GBE1: variants seen among roughly 807,000 people sequenced by gnomAD.
GBE1 encodes 1,4-alpha-glucan branching enzyme 1, also known as 1,4-alpha-glucan-branching enzyme.
GBE1 carries 70 observed loss-of-function variants against 88.8 expected under a neutral mutation model. The ratio of observed to expected loss-of-function variants is 0.79; its 90% CI spans 0.65 to 0.96. The LOEUF (loss-of-function observed/expected upper bound fraction) is 0.96, where lower values mean the gene tolerates loss of function less well. Ranked by LOEUF, GBE1 falls within the 40% of genes least tolerant of loss-of-function variation. GBE1 has a pLI of 0.00. For synonymous variants in GBE1, 284 were observed against 300.1 expected, an observed-to-expected ratio of 0.95 and a Z score of 0.56; for missense variants, 872 against 871.0, an observed-to-expected ratio of 1.00 and a Z score of -0.01.
At chr3:81,642,380 G>A (rs1197941954) in intron 7 of GBE1, among the ~76,000 whole-genome samples, 2 of 151,984 alleles carry the variant, frequency 1.3e-5, no homozygotes, top group African/African-American at 4.8e-5. Flanking sequence ...TCAAAACCAT[G>A]TAATTTTAAG....
At chr3:81,662,036 T>C (rs979146316) in intron 3 of GBE1, among the ~76,000 whole-genome samples, 11 of 152,170 alleles carry the variant, frequency 7.2e-5, no homozygotes, top group African/African-American at 2.4e-4. Context: ...TTTTTAATTT[T>C]ATTTATTTAT....
chr3:81,560,283 A>C (rs1023843257), intron 12 of GBE1, among the ~76,000 whole-genome samples: 1 of 151,998 alleles, frequency 6.6e-6, no homozygotes, highest in African/African-American at 2.4e-5. Context: ...ATAGCACTTT[A>C]AAATAACATT....
At chr3:81,612,610 C>A (rs1704197783) in intron 7 of GBE1, 2 of 617,034 alleles carry the variant, frequency 3.2e-6, no homozygotes, top group Admixed American at 1.9e-5. Flanking sequence ...CTGACCTCTT[C>A]TGAAAAAGTG....
chr3:81,689,638 A>C (rs888003723), intron 2 of GBE1, among the ~76,000 whole-genome samples: 1 of 152,148 alleles, frequency 6.6e-6, no homozygotes, highest in Non-Finnish European at 1.5e-5. Flanking sequence ...CATCTCACAC[A>C]CAGCCTCCCA....
At chr3:81,558,281 G>A (rs1298911700) in intron 12 of GBE1, among the ~76,000 whole-genome samples, 1 of 151,838 alleles carries the variant, frequency 6.6e-6, no homozygotes, top group Non-Finnish European at 1.5e-5. Flanking sequence ...AAAGAACCAT[G>A]TTCAGTCCAA....
chr3:81,668,815 C>T (rs1012780263), intron 3 of GBE1, among the ~76,000 whole-genome samples: 2 of 152,158 alleles, frequency 1.3e-5, no homozygotes, highest in African/African-American at 4.8e-5. Flanking sequence ...CTGCCTCTTC[C>T]ACACACCTAG....
intron 11 of GBE1, among the ~76,000 whole-genome samples, chr3:81,580,891 C>A (rs1373172434): frequency 7.2e-5 from 11 of 152,052 alleles, no homozygotes; most frequent in Non-Finnish European, 2.9e-5. Flanking sequence ...ATACTTGCAA[C>A]TGCAATGTAT....
intron 10 of GBE1, among the ~76,000 whole-genome samples, chr3:81,583,694 G>A (rs1489031345): frequency 6.6e-6 from 1 of 151,950 alleles, no homozygotes; most frequent in Non-Finnish European, 1.5e-5. Context: ...TTGAAATGAC[G>A]AAATTATAGG....
At chr3:81,602,424 A>T (rs1301918826) in intron 7 of GBE1, among the ~76,000 whole-genome samples, 1 of 152,164 alleles carries the variant, frequency 6.6e-6, no homozygotes, top group Non-Finnish European at 1.5e-5. Flanking sequence ...GTAGGTTATA[A>T]ACAACAAAAA....
At chr3:81,741,076 C>A (rs1706343560) in intron 1 of GBE1, among the ~76,000 whole-genome samples, 1 of 152,028 alleles carries the variant, frequency 6.6e-6, no homozygotes, top group African/African-American at 2.4e-5. Flanking sequence ...TATAATTGAG[C>A]CTTAACTAAA....
At chr3:81,636,029 A>G (rs1241255832) in intron 7 of GBE1, among the ~76,000 whole-genome samples, 1 of 152,192 alleles carries the variant, frequency 6.6e-6, no homozygotes, top group Non-Finnish European at 1.5e-5. Context: ...AGTTTATACA[A>G]AGACGGTAAA....
intron 1 of GBE1, among the ~76,000 whole-genome samples, chr3:81,756,835 G>T (rs1294454770): frequency 1.3e-5 from 2 of 152,156 alleles, no homozygotes; most frequent in African/African-American, 2.4e-5. Flanking sequence ...TCCAAGACAG[G>T]ATAATATGAT....
At chr3:81,659,864 C>T (rs537988560) in intron 3 of GBE1, among the ~76,000 whole-genome samples, 6 of 151,796 alleles carry the variant, frequency 4.0e-5, no homozygotes, top group Non-Finnish European at 8.8e-5. Context: ...TAGTTAATGA[C>T]TATTAAATAA....
chr3:81,539,021 CA>C (rs978002470), intron 12 of GBE1, among the ~76,000 whole-genome samples: 38 of 152,092 alleles, frequency 2.5e-4, no homozygotes, highest in African/African-American at 8.4e-4. Context: ...TATTATGTGC[CA>C]GGCACGATTG....
chr3:81,564,238 G>A lies in GBE1; in HGVS notation c.1618+13687C>T, dbSNP rs532187689. ...ATTGCCTCAGAGGCATGAGAACAGAGGTGGACCTAGCTTAGATGGATGAAA... is the reference window on the plus strand; with the variant it reads ...ATTGCCTCAGAGGCATGAGAACAGAAGTGGACCTAGCTTAGATGGATGAAA... On this transcript the variant is annotated intron_variant, in intron 12 of 15. Coordinates refer to ENST00000429644, the MANE Select transcript of GBE1 (RefSeq NM_000158.4). Among the ~76,000 whole-genome samples the A allele has an allele frequency of 3.3e-5, 5 of 152,202 alleles. No homozygotes were observed. The South Asian group carries it at 1.0e-3, about 32-fold the overall frequency.
intron 1 of GBE1, among the ~76,000 whole-genome samples, chr3:81,711,805 G>C (rs1272891472): frequency 6.6e-6 from 1 of 152,080 alleles, no homozygotes; most frequent in Non-Finnish European, 1.5e-5. Context: ...ATCGACAAAT[G>C]GGATCTAATT....
chr3:81,641,339 T>C (rs1206654392), intron 7 of GBE1, among the ~76,000 whole-genome samples: 2 of 152,154 alleles, frequency 1.3e-5, no homozygotes, highest in Non-Finnish European at 2.9e-5. Context: ...ATTAGTAGAG[T>C]TATGTAATTG....
chr3:81,704,045 A>T (rs1291906921), intron 2 of GBE1, among the ~76,000 whole-genome samples: 1 of 152,020 alleles, frequency 6.6e-6, no homozygotes, highest in African/African-American at 2.4e-5. Flanking sequence ...TTACCATCTT[A>T]ATTAAGACTT....
intron 3 of GBE1, among the ~76,000 whole-genome samples, chr3:81,661,215 G>C (rs1025517883): frequency 6.6e-6 from 1 of 151,836 alleles, no homozygotes; most frequent in Non-Finnish European, 1.5e-5. Flanking sequence ...CCACATTGAA[G>C]GAAGAAAGAA....
Sources: gnomAD v4.1 joint callset for allele counts (sites outside exome capture counted in the v4.1 genomes callset) on GRCh38, gnomAD v4.1.1 for gene constraint, MANE v1.5 for transcripts, NCBI Gene and HGNC (gene_info 2026-07-23, HGNC 2026-07-21) for gene names.